Variants in CD27 observed in about 807,000 individuals in gnomAD.
CD27 encodes the protein CD27 antigen.
A neutral mutation model predicts 25.9 loss-of-function variants in CD27; 16 were observed. That is an observed-to-expected ratio of 0.62 (90% CI 0.42 to 0.94). The LOEUF (loss-of-function observed/expected upper bound fraction) is 0.94, where lower values mean the gene tolerates loss of function less well. Ranked by LOEUF, CD27 falls within the 40% of genes least tolerant of loss-of-function variation. CD27 has a pLI of 0.00. For synonymous variants in CD27, 142 were observed against 124.3 expected (o/e 1.14, Z -0.95); for missense variants, 300 against 333.2 (o/e 0.90, Z 0.78).
rs1303826498 is a variant in CD27 at position 6,445,071 on chromosome 12, G to A, written c.-25G>A. 1 of 1,588,914 alleles carries A rather than the reference G, an allele frequency of 6.3e-7. No homozygotes were observed. The highest frequency in any genetic ancestry group is 8.5e-7 in the Non-Finnish European group (1 of 1,170,698). The stretch of plus-strand genomic sequence containing the variant: ...AGGCCAGCATCAGCAACTGGGCACA[G>A]AAAGGAGCCGCCTGGGCAGGGACCA... On this transcript the variant is annotated 5_prime_UTR_variant, in exon 1 of 6. Transcript: ENST00000266557. This position sits in a 1 kb window ranked among gnomAD's most constrained non-coding sequence, Gnocchi z 4.5.
upstream of CD27, among the ~76,000 whole-genome samples, chr12:6,444,252 G>C (rs1051055908): frequency 6.6e-6 from 1 of 151,174 alleles, no homozygotes; most frequent in South Asian, 2.1e-4. Flanking sequence ...ATAGGTGATC[G>C]GTCAGAGTGT....
In CD27 at chr12:6,450,130, C is replaced by G. The variant is rs1297331151; in HGVS notation, c.269-43C>G. ...AGCAAGTGGACCTTGAAGGTCTCCA[C>G]AGGTCTGAGTGTCCTATGCTCCCTG... On this transcript the variant is annotated intron_variant, in intron 2 of 5. Transcript: ENST00000266557. This position sits in a 1 kb window ranked among gnomAD's most constrained non-coding sequence, Gnocchi z 4.1. 1.3e-6 allele frequency: 2 copies of G among 1,570,890 alleles called. No homozygotes were observed. Among genetic ancestry groups the G allele is most frequent in the South Asian group, 1.1e-5 (1 of 87,384 alleles).
Position 6,451,136 on chromosome 12 carries a change from T to TA in CD27, c.658+123dup, listed in dbSNP as rs1308981360. On this transcript the variant is annotated intron_variant, in intron 5 of 5. Coordinates refer to ENST00000266557, the MANE Select transcript of CD27 (RefSeq NM_001242.5). ...AGCTCCACTTCACCAGCCTTGGTCC[T>TA]ACCCCTTCTCTCCCCTTAGCTGGCG... 7.8e-6 allele frequency: 12 copies of TA among 1,540,924 alleles called. No individual in the cohort carries two copies. The Admixed American group carries it at 1.5e-4, about 20-fold the overall frequency.
chr12:6,445,572 T>A lies in CD27; in HGVS notation c.268+17T>A. On this transcript the variant is annotated intron_variant, in intron 2 of 5. Transcript: ENST00000266557. This position sits in a 1 kb window ranked among gnomAD's most constrained non-coding sequence, Gnocchi z 4.5. Reference sequence around the variant, plus strand: ...GTAACTCTGGTGAGGTGGGCAAGGGTGTGTAGGTGGGGACGATGGACAAGC... The same window carrying A: ...GTAACTCTGGTGAGGTGGGCAAGGGAGTGTAGGTGGGGACGATGGACAAGC... The A allele has an allele frequency of 6.2e-7, 1 of 1,611,264 alleles. No homozygotes were observed. The highest frequency in any genetic ancestry group is 8.5e-7 in the Non-Finnish European group (1 of 1,179,406).
intron 2 of CD27, among the ~76,000 whole-genome samples, chr12:6,446,061 G>C (rs60329534): frequency 6.6e-6 from 1 of 151,914 alleles, no homozygotes; most frequent in African/African-American, 2.4e-5. Context: ...AAAAAAAAAG[G>C]TTTTTTTTAA....
Position 6,450,747 on chromosome 12 carries a change from C to A in CD27, c.538+117C>A. The A allele has an allele frequency of 7.1e-7, 1 of 1,416,180 alleles. No homozygotes were observed. Among genetic ancestry groups the A allele is most frequent in the Non-Finnish European group, 9.8e-7 (1 of 1,018,354 alleles). 87.7% of individuals were successfully genotyped at this position (1,416,180 alleles called of 1,614,324 possible). A position where few individuals can be genotyped will look rare whatever the true frequency, so the allele number is the denominator to read the frequency against. On this transcript the variant is annotated intron_variant, in intron 4 of 5. Transcript: ENST00000266557. The surrounding 1 kb of genome is among the most constrained non-coding windows in gnomAD (Gnocchi z 4.1). ...TAAGAGGAGGGGAAAAAGCAGAGTC[C>A]ACTGTTTAGGAGAGGAGTTGGCCAA... is the stretch of plus-strand genomic sequence containing the variant.
intron 2 of CD27, chr12:6,447,964 A>C (rs1363365738): frequency 1.3e-5 from 2 of 152,220 alleles, no homozygotes; most frequent in African/African-American, 4.8e-5. Context: ...CTCTACCACC[A>C]GTGCTCTCCC....
chr12:6,446,776 T>TCACACA (rs35670100), intron 2 of CD27, among the ~76,000 whole-genome samples: 4,944 of 148,470 alleles, frequency 0.033, 149 homozygotes, highest in Non-Finnish European at 0.039. Context: ...AAACCCTTTT[T>TCACACA]CACACACACA....
chr12:6,451,059 C>G (rs759415054), intron 5 of CD27, 45 bp downstream of exon 5: 5 of 1,612,260 alleles, frequency 3.1e-6, no homozygotes, highest in Non-Finnish European at 4.2e-6. Flanking sequence ...CTGCACCACA[C>G]CCCACTGGCT....
At chr12:6,449,517 G>C (rs1174753206) in intron 2 of CD27, among the ~76,000 whole-genome samples, 1 of 151,980 alleles carries the variant, frequency 6.6e-6, no homozygotes, top group African/African-American at 2.4e-5. Flanking sequence ...AATCATGCGT[G>C]CCTCTCTGTA....
At position 6,450,498 on chromosome 12, in the gene CD27, A is replaced by T; in HGVS notation, c.449-43A>T. On this transcript the variant is annotated intron_variant, in intron 3 of 5. Coordinates refer to ENST00000266557, the MANE Select transcript of CD27 (RefSeq NM_001242.5). This position sits in a 1 kb window ranked among gnomAD's most constrained non-coding sequence, Gnocchi z 4.1. ...CCTCTCAGGCCTTCAGATGTGCCCT[A>T]TGGGGTCCCCTGCTGCTACTCATTC... The T allele has an allele frequency of 6.3e-7, 1 of 1,591,932 alleles. No homozygotes were observed. Among genetic ancestry groups the T allele is most frequent in the Non-Finnish European group, 8.6e-7 (1 of 1,162,066 alleles).
chr12:6,449,891 A>G (rs1445752236), intron 2 of CD27, among the ~76,000 whole-genome samples: 1 of 152,188 alleles, frequency 6.6e-6, no homozygotes, highest in East Asian at 1.9e-4. Context: ...CAGGGAGTAC[A>G]AGAGAAAGTC....
rs1336162212 is a variant in CD27 at position 6,450,694 on chromosome 12, C to A, written c.538+64C>A. 4.0e-6 allele frequency: 6 copies of A among 1,509,358 alleles called. No homozygotes were observed. In the African/African-American group the frequency reaches 5.5e-5, roughly 14 times the overall value. 93.5% of individuals were successfully genotyped at this position (1,509,358 alleles called of 1,614,324 possible). A position where few individuals can be genotyped will look rare whatever the true frequency, so the allele number is the denominator to read the frequency against. On this transcript the variant is annotated intron_variant, in intron 4 of 5. Transcript: ENST00000266557. The surrounding 1 kb of genome is among the most constrained non-coding windows in gnomAD (Gnocchi z 4.1). The stretch of plus-strand genomic sequence containing the variant: ...CATACACGAGGGGCCAGGAGGGAAG[C>A]CAGACAGAAAGCTCCTAGGATTAGG...
intron 2 of CD27, among the ~76,000 whole-genome samples, chr12:6,448,343 C>G (rs915935539): frequency 6.6e-6 from 1 of 152,128 alleles, no homozygotes; most frequent in African/African-American, 2.4e-5. Context: ...GGTGTCACTG[C>G]CTTCCTCTGA....
chr12:6,445,939 A>G lies in CD27; in HGVS notation c.268+384A>G, dbSNP rs1016931404. On this transcript the variant is annotated intron_variant, in intron 2 of 5. Coordinates refer to ENST00000266557, the MANE Select transcript of CD27 (RefSeq NM_001242.5). The surrounding 1 kb of genome is among the most constrained non-coding windows in gnomAD (Gnocchi z 4.5). ...GTTGGCCATTGGGAATTTGGAATACATCTTTCTAAGGAAATAACAAAGCAA... is the reference window on the plus strand; with the variant it reads ...GTTGGCCATTGGGAATTTGGAATACGTCTTTCTAAGGAAATAACAAAGCAA... Among the ~76,000 whole-genome samples the G allele has an allele frequency of 4.6e-5, 7 of 152,204 alleles. No homozygotes were observed. The highest frequency in any genetic ancestry group is 1.0e-4 in the Non-Finnish European group (7 of 68,034).
chr12:6,451,507 C>A lies in CD27; in HGVS notation c.*115C>A. 1 of 1,135,710 alleles carries A rather than the reference C, an allele frequency of 8.8e-7. No homozygotes were observed. 70.4% of individuals were successfully genotyped at this position (1,135,710 alleles called of 1,614,324 possible). On this transcript the variant is annotated 3_prime_UTR_variant, in exon 6 of 6. Transcript: ENST00000266557. ...CTGCAGTCCCATCCTCTTGTCAGGGCCCTTTCCTGTGTACACGTGACAGAG... is the reference window on the plus strand; with the variant it reads ...CTGCAGTCCCATCCTCTTGTCAGGGACCTTTCCTGTGTACACGTGACAGAG...
chr12:6,449,061 T>C (rs934577635), intron 2 of CD27, among the ~76,000 whole-genome samples: 1 of 152,030 alleles, frequency 6.6e-6, no homozygotes, highest in African/African-American at 2.4e-5. Context: ...AGTATCATGA[T>C]CTCAGCTCAC....
At position 6,451,437 on chromosome 12, in the gene CD27, C is replaced by G. The variant is rs1425616024; in HGVS notation, c.*45C>G. ...GCACTACAGCCCTGGCCTCCACCCC[C>G]ACCCCGCCGACCATCCAAGGGAGAG... is the stretch of plus-strand genomic sequence containing the variant. On this transcript the variant is annotated 3_prime_UTR_variant, in exon 6 of 6. Coordinates refer to ENST00000266557, the MANE Select transcript of CD27 (RefSeq NM_001242.5). The G allele has an allele frequency of 3.8e-6, 6 of 1,585,256 alleles. No homozygotes were observed. The highest frequency in any genetic ancestry group is 2.3e-5 in the South Asian group (2 of 87,410).
Position 6,445,649 on chromosome 12 carries a change from G to T in CD27, c.268+94G>T. ...GTTTGGGGGTGCAAGGAGGATGACGGGGCCAAAGCTTTGGCCTTCTTCAAG... is the reference window on the plus strand; with the variant it reads ...GTTTGGGGGTGCAAGGAGGATGACGTGGCCAAAGCTTTGGCCTTCTTCAAG... On this transcript the variant is annotated intron_variant, in intron 2 of 5. Coordinates refer to ENST00000266557, the MANE Select transcript of CD27 (RefSeq NM_001242.5). The surrounding 1 kb of genome is among the most constrained non-coding windows in gnomAD (Gnocchi z 4.5). 1 of 1,471,586 alleles carries T rather than the reference G, an allele frequency of 6.8e-7. No homozygotes were observed. The allele number at this position is 1,471,586 out of a possible 1,614,324, so 91.2% of individuals were successfully genotyped here. A position where few individuals can be genotyped will look rare whatever the true frequency, so the allele number is the denominator to read the frequency against.
Sources: gnomAD v4.1 joint callset for allele counts (sites outside exome capture counted in the v4.1 genomes callset) on GRCh38, gnomAD v4.1.1 for gene constraint, Gnocchi (gnomAD v3.1) non-coding constraint, MANE v1.5 for transcripts, NCBI Gene and HGNC (gene_info 2026-07-23, HGNC 2026-07-21) for gene names.